ILDR1: variants seen among roughly 807,000 people sequenced by gnomAD.
The protein encoded by ILDR1 is immunoglobulin like domain containing receptor 1.
ILDR1 carries 56 observed loss-of-function variants against 62.4 expected under a neutral mutation model. The ratio of observed to expected loss-of-function variants is 0.90; its 90% CI spans 0.72 to 1.12. The LOEUF (loss-of-function observed/expected upper bound fraction) is 1.12, where lower values mean the gene tolerates loss of function less well. ILDR1 is among the 50% of genes most tolerant of loss of function. ILDR1 has a pLI of 0.00. For missense variants in ILDR1, 736 were observed against 710.6 expected (o/e 1.04, Z -0.41); for synonymous variants, 284 against 277.8 (o/e 1.02, Z -0.22).
At chr3:122,031,123 A>G in the ILDR1 span, among the ~76,000 whole-genome samples, 1 of 152,220 alleles carries the variant, frequency 6.6e-6, no homozygotes, top group Non-Finnish European at 1.5e-5. Context: ...AGAACAGCAT[A>G]ACATGTGATA....
intron 3 of ILDR1, among the ~76,000 whole-genome samples, chr3:122,003,176 C>T (rs146262880): frequency 1.3e-5 from 2 of 152,250 alleles, no homozygotes; most frequent in African/African-American, 4.8e-5. Context: ...GTAAATGCCA[C>T]GGAACCTTAG....
chr3:121,993,758 G>A lies in ILDR1; in HGVS notation c.991C>T (p.His331Tyr). ...GSEVVERRII[H>Y]LPPLIRDLSS... is the part of the protein sequence containing the mutation. ...AGGTCTCTGATCAGTGGGGGCAGGT[G>A]GATGATTCTGCGTTCCACGACCTCA... Residue 331 changes from histidine (H) to tyrosine (Y), a missense_variant, in exon 7 of 8, where the codon CAC (histidine) becomes TAC (tyrosine). Physicochemically the swap from His to Tyr is moderately conservative, Grantham distance 83. Transcript: ENST00000344209. The A allele has an allele frequency of 6.2e-7, 1 of 1,614,182 alleles. No homozygotes were observed. Among genetic ancestry groups the A allele is most frequent in the Non-Finnish European group, 8.5e-7 (1 of 1,180,008 alleles).
chr3:122,024,535 A>G (rs1036147832), upstream of ILDR1, among the ~76,000 whole-genome samples: 1 of 152,214 alleles, frequency 6.6e-6, no homozygotes, highest in Non-Finnish European at 1.5e-5. Flanking sequence ...CTTGAAGTGA[A>G]CACTTAGATG....
At chr3:121,992,548 T>C (rs1050662347) in intron 7 of ILDR1, among the ~76,000 whole-genome samples, 8 of 152,228 alleles carry the variant, frequency 5.3e-5, no homozygotes, top group Non-Finnish European at 8.8e-5. Flanking sequence ...CTGGCACCCA[T>C]TGGCATCTTG....
At chr3:122,018,991 T>C (rs2071819062) in intron 1 of ILDR1, among the ~76,000 whole-genome samples, 1 of 152,224 alleles carries the variant, frequency 6.6e-6, no homozygotes, top group African/African-American at 2.4e-5. Context: ...GGTTGTCTGA[T>C]TTCCCAAAGA....
rs1334246979 is a variant in ILDR1, at chr3:122,005,916, CAAAAACAA to C, written c.230-531_230-524del. 4.4e-5 allele frequency among the ~76,000 whole-genome samples: 5 copies of C among 113,152 alleles called. No individual in the cohort carries two copies. In the East Asian group the frequency reaches 9.2e-4, roughly 21 times the overall value. 74.2% of individuals were successfully genotyped at this position (113,152 alleles called of 152,430 possible). Reference sequence around the variant, plus strand: ...CTCCATCTCAAAACAAAAACAAAAACAAAAACAAAAACAAACAAACAAAAAAAAAACCA... The same window carrying C: ...CTCCATCTCAAAACAAAAACAAAAACAAACAAACAAACAAAAAAAAAACCA... On this transcript the variant is annotated intron_variant, in intron 2 of 7. Transcript: ENST00000344209.
rs540007703 is a variant in ILDR1, at chr3:122,011,828, AC to A, written c.59-4668del. The stretch of plus-strand genomic sequence containing the variant: ...CATTCTTGGTCTCTAAATCTCACAA[AC>A]CCCCTCAGCTAGGCAACAGCCCTGC... On this transcript the variant is annotated intron_variant, in intron 1 of 7. Transcript: ENST00000344209. Among the ~76,000 whole-genome samples, 11 of 151,300 alleles carry A rather than the reference AC, an allele frequency of 7.3e-5. No homozygotes were observed. In the East Asian group the frequency reaches 2.1e-3, roughly 29 times the overall value.
chr3:122,045,049 G>A, the ILDR1 span, among the ~76,000 whole-genome samples: 7 of 151,718 alleles, frequency 4.6e-5, no homozygotes, highest in African/African-American at 1.7e-4. Flanking sequence ...TCTCTTGTGG[G>A]CATTTAGTGC....
chr3:122,025,608 CTG>C (rs1415545118), upstream of ILDR1, among the ~76,000 whole-genome samples: 1 of 152,186 alleles, frequency 6.6e-6, no homozygotes, highest in Admixed American at 6.5e-5. Context: ...CTAGTTGAAA[CTG>C]TGTCTATGAA....
the ILDR1 span, among the ~76,000 whole-genome samples, chr3:122,037,033 G>A: frequency 1.4e-4 from 21 of 152,342 alleles, no homozygotes; most frequent in African/African-American, 4.8e-4. Flanking sequence ...CAAGAGCTGA[G>A]GTTTTAAAAC....
At position 121,994,307 on chromosome 3, in the gene ILDR1, G is replaced by T; in HGVS notation, c.653C>A (p.Ala218Asp). 1 of 1,533,436 alleles carries T rather than the reference G, an allele frequency of 6.5e-7. No homozygotes were observed. The highest frequency in any genetic ancestry group is 8.7e-7 in the Non-Finnish European group (1 of 1,144,864). 95.0% of individuals were successfully genotyped at this position (1,533,436 alleles called of 1,614,324 possible). A position where few individuals can be genotyped will look rare whatever the true frequency, so the allele number is the denominator to read the frequency against. Residue 218 changes from alanine (A) to aspartate (D), a missense_variant, in exon 6 of 8, where the codon GCC becomes GAC. Transcript: ENST00000344209. ...AHCCCPEEALARHRYMKQAQA... is the reference protein window; with the variant it reads ...AHCCCPEEALDRHRYMKQAQA... ...GGCCTGCTTCATGTAGCGGTGGCGGGCCAGGGCTGCAGGGAAAGAAGGAGA... is the reference window on the plus strand; with the variant it reads ...GGCCTGCTTCATGTAGCGGTGGCGGTCCAGGGCTGCAGGGAAAGAAGGAGA...
rs751411378 is a variant in ILDR1, at chr3:122,007,107, A to T, written c.113T>A (p.Phe38Tyr). Residue 38 changes from phenylalanine (F) to tyrosine (Y), a missense_variant, in exon 2 of 8, where the codon TTT (phenylalanine) becomes TAT (tyrosine). Coordinates refer to ENST00000344209, the MANE Select transcript of ILDR1 (RefSeq NM_001199799.2). ...GTCACATTTGAGGATGATAGAGGCA[A>T]ACAGGGTGACATAGCGTTCTGTGTG... Reference protein sequence around the residue: ...VQHTERYVTLFASIILKCDYT... With the variant: ...VQHTERYVTLYASIILKCDYT... 1.9e-6 allele frequency: 3 copies of T among 1,614,208 alleles called. No individual in the cohort carries two copies. The highest frequency in any genetic ancestry group is 2.5e-6 in the Non-Finnish European group (3 of 1,180,024).
the ILDR1 span, among the ~76,000 whole-genome samples, chr3:122,040,360 G>T: frequency 6.6e-6 from 1 of 151,900 alleles, no homozygotes; most frequent in Non-Finnish European, 1.5e-5. Context: ...ATTCAAAGGG[G>T]TTGGAAGAAG....
At chr3:122,032,947 T>C in the ILDR1 span, among the ~76,000 whole-genome samples, 1 of 152,238 alleles carries the variant, frequency 6.6e-6, no homozygotes, top group South Asian at 2.1e-4. Context: ...CAAGCTGCTG[T>C]CAAATTCCTG....
chr3:122,034,195 A>T, the ILDR1 span, among the ~76,000 whole-genome samples: 2 of 152,196 alleles, frequency 1.3e-5, no homozygotes, highest in Non-Finnish European at 2.9e-5. Flanking sequence ...ATAGAGGTAC[A>T]GTTGATTTTT....
intron 2 of ILDR1, among the ~76,000 whole-genome samples, chr3:122,006,002 T>G (rs1040761007): frequency 4.0e-5 from 6 of 151,852 alleles, no homozygotes; most frequent in African/African-American, 1.5e-4. Context: ...GGCAAATGCC[T>G]GCTACCCTAG....
At chr3:122,037,187 A>T in the ILDR1 span, among the ~76,000 whole-genome samples, 1 of 152,218 alleles carries the variant, frequency 6.6e-6, no homozygotes, top group Non-Finnish European at 1.5e-5. Flanking sequence ...CAGAGTCCCC[A>T]CTAGGGCACT....
At chr3:122,041,286 C>T in the ILDR1 span, among the ~76,000 whole-genome samples, 5 of 152,174 alleles carry the variant, frequency 3.3e-5, no homozygotes, top group Admixed American at 6.5e-5. Context: ...ATGTCATTAT[C>T]ACAGGAGTGG....
chr3:122,030,351 G>C, the ILDR1 span, among the ~76,000 whole-genome samples: 1 of 151,978 alleles, frequency 6.6e-6, no homozygotes, highest in East Asian at 1.9e-4. Flanking sequence ...GGGAGGGAGA[G>C]AGAGAAAATT....
Sources: gnomAD v4.1 joint callset for allele counts (sites outside exome capture counted in the v4.1 genomes callset) on GRCh38, gnomAD v4.1.1 for gene constraint, MANE v1.5 for transcripts, NCBI Gene and HGNC (gene_info 2026-07-23, HGNC 2026-07-21) for gene names.